CCDC91: variants seen among roughly 807,000 people sequenced by gnomAD.
The protein encoded by CCDC91 is coiled-coil domain containing 91, also known as coiled-coil domain-containing protein 91.
CCDC91 carries 48 observed loss-of-function variants against 63.2 expected under a neutral mutation model. The observed-to-expected ratio is 0.76, with a 90% CI of 0.60 to 0.97. The LOEUF is 0.97. Among genes scored for constraint, CCDC91 ranks in the 50% least tolerant of loss-of-function variants. The pLI, the probability that CCDC91 is intolerant of heterozygous loss-of-function variation, is 0.00. For synonymous variants in CCDC91, 167 were observed against 165.8 expected (o/e 1.01, Z -0.06); for missense variants, 500 against 494.6 (o/e 1.01, Z -0.10).
intron 1 of CCDC91, among the ~76,000 whole-genome samples, chr12:28,252,804 A>G (rs1192974669): frequency 6.6e-6 from 1 of 151,796 alleles, no homozygotes; most frequent in Non-Finnish European, 1.5e-5. Context: ...GTCGTCCTTG[A>G]TAGTCTGTTC....
chr12:28,342,884 G>T (rs1253241773), intron 6 of CCDC91, among the ~76,000 whole-genome samples: 1 of 152,122 alleles, frequency 6.6e-6, no homozygotes, highest in Admixed American at 6.5e-5. Flanking sequence ...GGAGGTTTGA[G>T]TGTGAAGAAA....
At chr12:28,500,159 G>A (rs1159789357) in intron 12 of CCDC91, among the ~76,000 whole-genome samples, 1 of 149,476 alleles carries the variant, frequency 6.7e-6, no homozygotes. Context: ...AGAAGTGTCT[G>A]TTCGTATCCT....
At chr12:28,278,958 A>C (rs551230699) in intron 3 of CCDC91, among the ~76,000 whole-genome samples, 2 of 152,178 alleles carry the variant, frequency 1.3e-5, no homozygotes, top group South Asian at 4.1e-4. Flanking sequence ...ACTTATATAC[A>C]GGTATATTAA....
chr12:28,420,633 T>C (rs1290653793), intron 8 of CCDC91, among the ~76,000 whole-genome samples: 1 of 152,004 alleles, frequency 6.6e-6, no homozygotes, highest in Non-Finnish European at 1.5e-5. Flanking sequence ...AAACCCAGAG[T>C]CTCACCACTT....
chr12:28,459,419 A>G (rs1293538724), intron 11 of CCDC91, among the ~76,000 whole-genome samples: 1 of 152,178 alleles, frequency 6.6e-6, no homozygotes, highest in East Asian at 1.9e-4. Context: ...TTAAGGAGAC[A>G]TACTAATCTT....
chr12:28,344,427 CCTT>C (rs1248323977), intron 6 of CCDC91, among the ~76,000 whole-genome samples: 1 of 152,076 alleles, frequency 6.6e-6, no homozygotes, highest in East Asian at 1.9e-4. Flanking sequence ...TAGCAATGGG[CCTT>C]CTTTCCATTT....
chr12:28,388,808 A>G (rs1264049543), intron 7 of CCDC91, among the ~76,000 whole-genome samples: 2 of 152,278 alleles, frequency 1.3e-5, no homozygotes, highest in Non-Finnish European at 2.9e-5. Flanking sequence ...AGCCACATCT[A>G]GGAGATTGAA....
At chr12:28,386,943 C>A (rs1191479041) in intron 7 of CCDC91, among the ~76,000 whole-genome samples, 2 of 151,744 alleles carry the variant, frequency 1.3e-5, no homozygotes, top group African/African-American at 4.8e-5. Flanking sequence ...TTTCATATAT[C>A]TTTTTTTAAT....
At chr12:28,468,442 T>C (rs73265434) in intron 11 of CCDC91, among the ~76,000 whole-genome samples, 4,487 of 151,904 alleles carry the variant, frequency 0.03, 197 homozygotes, top group African/African-American at 0.097. Context: ...AGATTAAAGC[T>C]GTAAGAAAAA....
At chr12:28,267,802 A>T (rs1405190191) in intron 3 of CCDC91, among the ~76,000 whole-genome samples, 2 of 36,490 alleles carry the variant, frequency 5.5e-5, no homozygotes, top group African/African-American at 8.7e-5. Context: ...ATATAATTAT[A>T]TAGTAATATA....
At chr12:28,215,883 T>A (rs1302354962) in intron 1 of CCDC91, among the ~76,000 whole-genome samples, 5 of 152,120 alleles carry the variant, frequency 3.3e-5, no homozygotes, top group South Asian at 4.1e-4. Context: ...TTGAAGATAG[T>A]CATTATGCCC....
intron 11 of CCDC91, among the ~76,000 whole-genome samples, chr12:28,453,029 A>G (rs1475811779): frequency 6.6e-6 from 1 of 151,900 alleles, no homozygotes; most frequent in Admixed American, 6.6e-5. Context: ...AAAATAATAT[A>G]TTTGTGTAGA....
chr12:28,201,078 G>T (rs1942236808), intron 1 of CCDC91, among the ~76,000 whole-genome samples: 1 of 150,286 alleles, frequency 6.7e-6, no homozygotes, highest in Non-Finnish European at 1.5e-5. Flanking sequence ...AGAGGCGGCA[G>T]GGCAGAGGCG....
At chr12:28,452,457 T>C (rs747342972) in intron 10 of CCDC91, 21 bp from the exon 11 acceptor site, 2 of 1,487,834 alleles carry the variant, frequency 1.3e-6, no homozygotes, top group South Asian at 1.3e-5. Flanking sequence ...AAATTTGTTC[T>C]GGTCTTTATT....
chr12:28,397,435 G>C (rs547293725), intron 8 of CCDC91, among the ~76,000 whole-genome samples: 15 of 152,212 alleles, frequency 9.9e-5, no homozygotes, highest in African/African-American at 3.6e-4. Context: ...GGTTTCCCTT[G>C]TATTTCGGCC....
chr12:28,454,289 G>A (rs540823815), intron 11 of CCDC91, among the ~76,000 whole-genome samples: 1 of 152,092 alleles, frequency 6.6e-6, no homozygotes, highest in Non-Finnish European at 1.5e-5. Flanking sequence ...TCACTGACTG[G>A]CCTTGTACTG....
chr12:28,493,067 C>T (rs1393735670), intron 12 of CCDC91, among the ~76,000 whole-genome samples: 2 of 151,456 alleles, frequency 1.3e-5, no homozygotes, highest in African/African-American at 4.8e-5. Flanking sequence ...AAAAGAACCA[C>T]CATTTATTGG....
intron 11 of CCDC91, among the ~76,000 whole-genome samples, chr12:28,456,592 C>T (rs999738534): frequency 5.3e-5 from 8 of 152,112 alleles, no homozygotes; most frequent in Non-Finnish European, 1.2e-4. Flanking sequence ...AAATTACACA[C>T]TTAATATTTG....
chr12:28,523,202 G>T (rs951470003), intron 12 of CCDC91, among the ~76,000 whole-genome samples: 2 of 152,038 alleles, frequency 1.3e-5, no homozygotes, highest in African/African-American at 4.8e-5. Flanking sequence ...TTATTGTGTG[G>T]GAGTCTAAGT....
Sources: allele counts gnomAD v4.1 joint callset (sites outside exome capture counted in the v4.1 genomes callset), GRCh38; gene constraint gnomAD v4.1.1; transcripts MANE v1.5; gene names NCBI Gene and HGNC (gene_info 2026-07-23, HGNC 2026-07-21).